The following TRHDE variants were observed in gnomAD, a reference collection of about 807,000 sequenced individuals.
The protein encoded by TRHDE is thyrotropin releasing hormone degrading enzyme, also known as thyrotropin-releasing hormone-degrading ectoenzyme.
Under a neutral mutation model 125.7 loss-of-function variants are expected in TRHDE, and 72 were observed. That is an observed-to-expected ratio of 0.57 (90% confidence interval 0.47 to 0.70). TRHDE has a LOEUF of 0.70. TRHDE is among the 30% of genes least tolerant of loss of function. The pLI is 0.00. For synonymous variants in TRHDE, 509 were observed against 509.1 expected (o/e 1.00, Z 0.00); for missense variants, 1,110 against 1,327.1 (o/e 0.84, Z 2.54).
intron 15 of TRHDE, among the ~76,000 whole-genome samples, chr12:72,632,812 T>C (rs962785193): frequency 6.6e-6 from 1 of 151,914 alleles, no homozygotes; most frequent in Admixed American, 6.6e-5. Context: ...GTCTTTATCA[T>C]TCTTGCCTTT....
At chr12:72,516,414 T>G (rs1878862519) in intron 6 of TRHDE, among the ~76,000 whole-genome samples, 1 of 152,184 alleles carries the variant, frequency 6.6e-6, no homozygotes. Flanking sequence ...CAATTGTGAA[T>G]GGGAATTCAC....
At chr12:72,582,027 A>G (rs7308678) in intron 12 of TRHDE, among the ~76,000 whole-genome samples, 60,090 of 148,702 alleles carry the variant, frequency 0.4, 14,469 homozygotes, top group African/African-American at 0.67. Context: ...GCTTGAACCC[A>G]GGAGGCGGAA....
chr12:72,216,868 G>A (rs889932176), intron 2 of TRHDE, among the ~76,000 whole-genome samples: 1 of 151,728 alleles, frequency 6.6e-6, no homozygotes, highest in Non-Finnish European at 1.5e-5. Flanking sequence ...TGAATTCTTC[G>A]AATTTCGTTT....
intron 2 of TRHDE, among the ~76,000 whole-genome samples, chr12:72,290,547 A>C (rs1169171452): frequency 6.6e-6 from 1 of 152,238 alleles, no homozygotes; most frequent in Non-Finnish European, 1.5e-5. Context: ...TTGGAAGGGC[A>C]CAGTGGTGGC....
At position 72,542,756 on chromosome 12, in the gene TRHDE, G is replaced by A. The variant is rs184192354; in HGVS notation, c.1788+400G>A. 5.3e-5 allele frequency among the ~76,000 whole-genome samples: 8 copies of A among 151,206 alleles called. No individual in the cohort carries two copies. In the East Asian group the frequency reaches 7.8e-4, roughly 15 times the overall value. Reference sequence around the variant, plus strand: ...TCTTAAGGCTATTTTTCAAATATGCGCCTTTTAGGTTTTTGTTATTTTGCT... The same window carrying A: ...TCTTAAGGCTATTTTTCAAATATGCACCTTTTAGGTTTTTGTTATTTTGCT... On this transcript the variant is annotated intron_variant, in intron 7 of 18. Transcript: ENST00000261180.
chr12:72,286,742 G>T lies in TRHDE; in HGVS notation c.976G>T (p.Glu326Ter), dbSNP rs1337523469. 1 of 1,613,702 alleles carries T rather than the reference G, an allele frequency of 6.2e-7. No homozygotes were observed. Among genetic ancestry groups the T allele is most frequent in the African/African-American group, 1.3e-5 (1 of 74,904 alleles). Residue 326 changes from glutamate (E) to a stop codon, truncating the protein, a stop_gained, in exon 2 of 19, where the codon GAG becomes TAG. Transcript: ENST00000261180. LOFTEE classifies it high-confidence loss of function. ...CAGAAAGGCATTTCCTTGTTTTGAT[G>T]AGCCAATCTACAAGGCTACTTTCAA... is the stretch of plus-strand genomic sequence containing the variant. Reference protein sequence around the residue: ...HARKAFPCFDEPIYKATFKIS... With the variant: ...HARKAFPCFD
chr12:72,105,935 C>A (rs1209536444), intron 2 of TRHDE, among the ~76,000 whole-genome samples: 1 of 151,946 alleles, frequency 6.6e-6, no homozygotes, highest in Non-Finnish European at 1.5e-5. Flanking sequence ...GGCAATTTTC[C>A]TACATTCATA....
intron 5 of TRHDE, among the ~76,000 whole-genome samples, chr12:72,481,556 C>T (rs1320551955): frequency 6.7e-6 from 1 of 149,550 alleles, no homozygotes; most frequent in Non-Finnish European, 1.5e-5. Context: ...AATTTCTCTA[C>T]AGTCTTTTTT....
chr12:72,178,643 C>T (rs1039594426), intron 2 of TRHDE, among the ~76,000 whole-genome samples: 23 of 151,988 alleles, frequency 1.5e-4, no homozygotes, highest in Admixed American at 9.8e-4. Flanking sequence ...GGAGTAGTTC[C>T]AGAATGGCTA....
intron 18 of TRHDE, among the ~76,000 whole-genome samples, chr12:72,658,073 A>ATGAGC (rs1874776551): frequency 6.6e-6 from 1 of 152,156 alleles, no homozygotes; most frequent in East Asian, 1.9e-4. Flanking sequence ...CTTTCACACC[A>ATGAGC]TGAGCTAAGC....
chr12:72,608,797 A>G (rs1032455619), intron 12 of TRHDE, among the ~76,000 whole-genome samples: 6 of 152,192 alleles, frequency 3.9e-5, no homozygotes, highest in Non-Finnish European at 8.8e-5. Flanking sequence ...TTACTAGAAC[A>G]TGGTAAAGAG....
At chr12:72,590,032 C>T (rs1871605850) in intron 12 of TRHDE, among the ~76,000 whole-genome samples, 1 of 151,796 alleles carries the variant, frequency 6.6e-6, no homozygotes. Flanking sequence ...ATAAAATTTC[C>T]TCAAAGCACA....
intron 2 of TRHDE, among the ~76,000 whole-genome samples, chr12:72,333,003 T>G (rs1291240684): frequency 1.3e-5 from 2 of 152,254 alleles, no homozygotes; most frequent in Non-Finnish European, 2.9e-5. Context: ...TGAAGGATAG[T>G]CTGACTTAGG....
At chr12:72,162,650 G>A (rs647938) in intron 2 of TRHDE, among the ~76,000 whole-genome samples, 1 of 152,176 alleles carries the variant, frequency 6.6e-6, no homozygotes. Context: ...GCTTAAACTA[G>A]TTAAAGTGGA....
At chr12:72,150,650 T>G (rs1397387197) in intron 2 of TRHDE, among the ~76,000 whole-genome samples, 1 of 150,366 alleles carries the variant, frequency 6.7e-6, no homozygotes, top group African/African-American at 2.4e-5. Flanking sequence ...CATGCGGTGT[T>G]TGGTTTTTTG....
At position 72,567,252 on chromosome 12, in the gene TRHDE, C is replaced by T. The variant is rs140854385; in HGVS notation, c.2043-1316C>T. Among the ~76,000 whole-genome samples the T allele has an allele frequency of 1.8e-3, 274 of 151,786 alleles. 2 individuals carry two copies. Among genetic ancestry groups the T allele is most frequent in the African/African-American group, 6.2e-3 (259 of 41,478 alleles). The stretch of plus-strand genomic sequence containing the variant: ...ATTATAAATTGTTTTATTACCAGAC[C>T]GATTGTATGGAGTCCTTATTAGTAT... On this transcript the variant is annotated intron_variant, in intron 9 of 18. Coordinates refer to ENST00000261180, the MANE Select transcript of TRHDE (RefSeq NM_013381.3).
chr12:72,367,220 A>G lies in TRHDE; in HGVS notation c.1189-10775A>G, dbSNP rs567711050. ...ACAGCACAAATTCTTCACCTGTAAT[A>G]TTATGCTTTTCTACTCACTGGCCTT... On this transcript the variant is annotated intron_variant, in intron 2 of 18. Coordinates refer to ENST00000261180, the MANE Select transcript of TRHDE (RefSeq NM_013381.3). Among the ~76,000 whole-genome samples, 33 of 152,174 alleles carry G rather than the reference A, an allele frequency of 2.2e-4. No homozygotes were observed. The South Asian group carries it at 3.1e-3, about 14-fold the overall frequency.
intron 2 of TRHDE, among the ~76,000 whole-genome samples, chr12:72,315,329 C>T (rs1275612104): frequency 4.0e-5 from 6 of 151,418 alleles, no homozygotes; most frequent in Admixed American, 1.3e-4. Flanking sequence ...AAAACCAAAC[C>T]GATAGGTCTT....
intron 2 of TRHDE, among the ~76,000 whole-genome samples, chr12:72,238,854 G>C (rs893410769): frequency 2.6e-5 from 4 of 152,130 alleles, no homozygotes; most frequent in Non-Finnish European, 5.9e-5. Context: ...ATAAACATAT[G>C]TGTGCATGTG....
Sources: allele counts gnomAD v4.1 joint callset (sites outside exome capture counted in the v4.1 genomes callset), GRCh38; gene constraint gnomAD v4.1.1; transcripts MANE v1.5; gene names NCBI Gene and HGNC (gene_info 2026-07-23, HGNC 2026-07-21).